TRIM72: variants seen among roughly 807,000 people sequenced by gnomAD.
TRIM72 encodes the protein tripartite motif-containing protein 72.
A neutral mutation model predicts 31.6 loss-of-function variants in TRIM72; 33 were observed. The observed-to-expected ratio is 1.04, with a 90% CI of 0.79 to 1.40. TRIM72 has a LOEUF of 1.40. Ranked by LOEUF, TRIM72 falls within the 40% of genes most tolerant of loss-of-function variation. TRIM72 has a pLI of 0.00. For missense variants in TRIM72, 666 were observed against 682.7 expected (o/e 0.98, Z 0.27); for synonymous variants, 301 against 314.4 (o/e 0.96, Z 0.45).
rs1349441134 is a variant in TRIM72 at position 31,224,783 on chromosome 16, G to C, written c.*28G>C. 7.0e-7 allele frequency: 1 copy of C among 1,434,648 alleles called. No homozygotes were observed. Among genetic ancestry groups the C allele is most frequent in the Admixed American group, 2.8e-5 (1 of 36,026 alleles). 88.9% of individuals were successfully genotyped at this position (1,434,648 alleles called of 1,614,324 possible). On this transcript the variant is annotated 3_prime_UTR_variant, in exon 7 of 7. Coordinates refer to ENST00000322122, the MANE Select transcript of TRIM72 (RefSeq NM_001008274.4). The stretch of plus-strand genomic sequence containing the variant: ...CGCCGGACGGGTAGTGGAGGGGCGC[G>C]GGGGCCTGGGTTGAAGCTTAGGTCT...
intron 5 of TRIM72, among the ~76,000 whole-genome samples, chr16:31,222,071 G>A (rs1024314287): frequency 6.6e-6 from 1 of 152,140 alleles, no homozygotes; most frequent in Non-Finnish European, 1.5e-5. Flanking sequence ...GAGAGGCTTG[G>A]ACCTTATCCC....
Position 31,229,908 on chromosome 16 carries a change from T to C in TRIM72, c.*5153T>C, listed in dbSNP as rs921385465. The stretch of plus-strand genomic sequence containing the variant: ...TTCGAGACCAGTCTGGTCAACATGG[T>C]GAAACCCCATCTTTACTAAAAATAC... On this transcript the variant is annotated 3_prime_UTR_variant, in exon 7 of 7. Transcript: ENST00000322122. 6.6e-6 allele frequency: 1 copy of C among 152,040 alleles called. No homozygotes were observed. The highest frequency in any genetic ancestry group is 1.5e-5 in the Non-Finnish European group (1 of 68,046). The allele number at this position is 152,040 out of a possible 1,614,324, so 9.4% of individuals were successfully genotyped here. A position where few individuals can be genotyped will look rare whatever the true frequency, so the allele number is the denominator to read the frequency against.
chr16:31,215,108 G>A lies in TRIM72; in HGVS notation c.370G>A (p.Glu124Lys). ...HRGHRLLPAA[E>K]AHARLKTQLP... ...CGGTCATCGCCTCCTGCCTGCCGCC[G>A]AGGCCCACGCACGCCTCAAGGTGCG... is the stretch of plus-strand genomic sequence containing the variant. The change falls in exon 2 of 7, where the codon GAG (glutamate) becomes AAG (lysine). Residue 124 changes from glutamate to lysine, a missense_variant. Coordinates refer to ENST00000322122, the MANE Select transcript of TRIM72 (RefSeq NM_001008274.4). This position sits in a 1 kb window ranked among gnomAD's most constrained non-coding sequence, Gnocchi z 6.3. The A allele has an allele frequency of 6.9e-7, 1 of 1,446,422 alleles. No homozygotes were observed. Among genetic ancestry groups the A allele is most frequent in the Non-Finnish European group, 9.0e-7 (1 of 1,108,830 alleles). 89.6% of individuals were successfully genotyped at this position (1,446,422 alleles called of 1,614,324 possible).
Position 31,224,366 on chromosome 16 carries a change from G to A in TRIM72, c.1045G>A (p.Val349Met), listed in dbSNP as rs1372224005. The A allele has an allele frequency of 6.6e-7, 1 of 1,516,894 alleles. No homozygotes were observed. Among genetic ancestry groups the A allele is most frequent in the Admixed American group, 2.3e-5 (1 of 43,786 alleles). 94.0% of individuals were successfully genotyped at this position (1,516,894 alleles called of 1,614,324 possible). ...QLSEGEHYWE[V>M]DVGDKPRWAL... ...CTCCGAGGGCGAGCACTACTGGGAGGTGGATGTTGGCGACAAGCCGCGCTG... is the reference window on the plus strand; with the variant it reads ...CTCCGAGGGCGAGCACTACTGGGAGATGGATGTTGGCGACAAGCCGCGCTG... The change falls in exon 7 of 7, where the codon GTG becomes ATG. Residue 349 changes from valine (V) to methionine (M), a missense_variant. Coordinates refer to ENST00000322122, the MANE Select transcript of TRIM72 (RefSeq NM_001008274.4).
chr16:31,223,923 A>C (rs2079544164), intron 6 of TRIM72, among the ~76,000 whole-genome samples: 1 of 152,110 alleles, frequency 6.6e-6, no homozygotes, highest in Admixed American at 6.5e-5. Flanking sequence ...CAAAAAACAA[A>C]AACAAAAAAC....
In TRIM72 at chr16:31,224,692, G is replaced by C. The variant is rs756443702; in HGVS notation, c.1371G>C (p.Trp457Cys). ...TGTACCCCTTCTTCGACGTGTGCTG[G>C]CACGACAAGGGCAAGAATGCCCAGC... ...RPVYPFFDVC[W>C]HDKGKNAQPL... The change falls in exon 7 of 7, where the codon TGG becomes TGC. Residue 457 changes from tryptophan (W) to cysteine (C), a missense_variant. Physicochemically the swap from Trp to Cys is radical, Grantham distance 215 (BLOSUM62 -2). Transcript: ENST00000322122. The C allele has an allele frequency of 6.5e-7, 1 of 1,545,658 alleles. No homozygotes were observed. Among genetic ancestry groups the C allele is most frequent in the Admixed American group, 1.9e-5 (1 of 52,260 alleles).
intron 2 of TRIM72, among the ~76,000 whole-genome samples, chr16:31,218,449 C>T (rs934984520): frequency 2.0e-5 from 3 of 151,998 alleles, no homozygotes; most frequent in Non-Finnish European, 4.4e-5. Flanking sequence ...GGGAGGCTGA[C>T]GTGGGTGGAT....
At chr16:31,222,798 ATG>A in intron 5 of TRIM72, 27 bp from the exon 6 acceptor site, 1 of 359,472 alleles carries the variant, frequency 2.8e-6, no homozygotes, top group Non-Finnish European at 5.0e-6. Context: ...CCCCTCACAC[ATG>A]CCTCCCCTTC....
rs2144199928 is a variant in TRIM72, at chr16:31,224,565, T to G, written c.1244T>G (p.Leu415Arg). The change falls in exon 7 of 7, where the codon CTT (leucine) becomes CGT (arginine). Residue 415 changes from leucine to arginine, a missense_variant. Coordinates refer to ENST00000322122, the MANE Select transcript of TRIM72 (RefSeq NM_001008274.4). ...SPERRPTRIGLYLSFGDGVLS... is the reference protein window; with the variant it reads ...SPERRPTRIGRYLSFGDGVLS... ...GAGAGGCGGCCCACGCGCATTGGCCTTTACCTGAGCTTCGGCGACGGCGTC... is the reference window on the plus strand; with the variant it reads ...GAGAGGCGGCCCACGCGCATTGGCCGTTACCTGAGCTTCGGCGACGGCGTC... 1 of 1,548,114 alleles carries G rather than the reference T, an allele frequency of 6.5e-7. No homozygotes were observed. Among genetic ancestry groups the G allele is most frequent in the Non-Finnish European group, 8.7e-7 (1 of 1,152,106 alleles).
Position 31,215,482 on chromosome 16 carries a change from C to T in TRIM72, c.390+354C>T, listed in dbSNP as rs1459378450. On this transcript the variant is annotated intron_variant, in intron 2 of 6. Coordinates refer to ENST00000322122, the MANE Select transcript of TRIM72 (RefSeq NM_001008274.4). The surrounding 1 kb of genome is among the most constrained non-coding windows in gnomAD (Gnocchi z 6.3). ...GCAGGGACTGACCAGCCCCTGCGGCCCACGCTCGCATTCCTGCACCCGGTG... is the reference window on the plus strand; with the variant it reads ...GCAGGGACTGACCAGCCCCTGCGGCTCACGCTCGCATTCCTGCACCCGGTG... Among the ~76,000 whole-genome samples, 1 of 152,202 alleles carries T rather than the reference C, an allele frequency of 6.6e-6. No individual in the cohort carries two copies. The highest frequency in any genetic ancestry group is 2.4e-5 in the African/African-American group (1 of 41,458).
chr16:31,219,668 G>A lies in TRIM72; in HGVS notation c.717+149G>A. 1 of 708,244 alleles carries A rather than the reference G, an allele frequency of 1.4e-6. No homozygotes were observed. Among genetic ancestry groups the A allele is most frequent in the Non-Finnish European group, 2.4e-6 (1 of 409,888 alleles). The allele number at this position is 708,244 out of a possible 1,614,324, so 43.9% of individuals were successfully genotyped here. A position where few individuals can be genotyped will look rare whatever the true frequency, so the allele number is the denominator to read the frequency against. On this transcript the variant is annotated intron_variant, in intron 4 of 6. Coordinates refer to ENST00000322122, the MANE Select transcript of TRIM72 (RefSeq NM_001008274.4). This position sits in a 1 kb window ranked among gnomAD's most constrained non-coding sequence, Gnocchi z 4.2. ...CAGGCCTCAGGACTGCTATATGGTT[G>A]TTTAGGTTGAGCACTGCATAAGGAC...
chr16:31,220,407 C>T (rs2079528124), intron 4 of TRIM72, among the ~76,000 whole-genome samples: 1 of 133,724 alleles, frequency 7.5e-6, no homozygotes, highest in African/African-American at 2.7e-5. Flanking sequence ...TTGTAATCCA[C>T]ATAAAAGTGA....
chr16:31,218,536 C>T (rs1192027164), intron 2 of TRIM72, among the ~76,000 whole-genome samples: 2 of 151,990 alleles, frequency 1.3e-5, no homozygotes, highest in Non-Finnish European at 2.9e-5. Flanking sequence ...CCAAAATTAG[C>T]CAGGCGTGGT....
rs1173497941 is a variant in TRIM72 at position 31,224,722 on chromosome 16, G to A, written c.1401G>A (p.Leu467=). The stretch of plus-strand genomic sequence containing the variant: ...ACAAGGGCAAGAATGCCCAGCCGCT[G>A]CTGCTCGTGGGTCCCGAAGGCGCCG... ...WHDKGKNAQP[L]LLVGPEGAEA Residue 467 remains leucine (L), a synonymous_variant, in exon 7 of 7, where the codon CTG becomes CTA. Coordinates refer to ENST00000322122, the MANE Select transcript of TRIM72 (RefSeq NM_001008274.4). The A allele has an allele frequency of 2.0e-6, 3 of 1,525,966 alleles. No homozygotes were observed. The highest frequency in any genetic ancestry group is 2.6e-6 in the Non-Finnish European group (3 of 1,141,682). The allele number at this position is 1,525,966 out of a possible 1,614,324, so 94.5% of individuals were successfully genotyped here.
rs939072859 is a variant in TRIM72 at position 31,219,320 on chromosome 16, G to C, written c.518G>C (p.Gly173Ala). Residue 173 changes from glycine (G) to alanine (A), a missense_variant, in exon 4 of 7, where the codon GGG (glycine) becomes GCG (alanine). Coordinates refer to ENST00000322122, the MANE Select transcript of TRIM72 (RefSeq NM_001008274.4). This position sits in a 1 kb window ranked among gnomAD's most constrained non-coding sequence, Gnocchi z 4.2. The stretch of plus-strand genomic sequence containing the variant: ...GTGCGTCAGTTCCGGGGGGCCGTGG[G>C]GGAGCAGCTGGGCAAGATGCGGGTG... ...ETVRQFRGAVGEQLGKMRVFL... is the reference protein window; with the variant it reads ...ETVRQFRGAVAEQLGKMRVFL... 2.5e-6 allele frequency: 4 copies of C among 1,614,062 alleles called. No homozygotes were observed. The highest frequency in any genetic ancestry group is 1.7e-5 in the Admixed American group (1 of 60,012).
chr16:31,220,456 GTTTTTTTTTTTTTTTTTTTTT>G (rs71151452), intron 4 of TRIM72, among the ~76,000 whole-genome samples: 1 of 29,560 alleles, frequency 3.4e-5, no homozygotes, highest in South Asian at 1.1e-3. Flanking sequence ...TCTCTTTTGC[GTTTTTTTTTTTTTTTTTTTTT>G]TTTTTTTTTG....
Position 31,228,980 on chromosome 16 carries a change from G to C in TRIM72, c.*4225G>C. The C allele has an allele frequency of 6.6e-6, 1 of 152,370 alleles. No homozygotes were observed. Among genetic ancestry groups the C allele is most frequent in the Non-Finnish European group, 1.5e-5 (1 of 68,226 alleles). The allele number at this position is 152,370 out of a possible 1,614,324, so 9.4% of individuals were successfully genotyped here. On this transcript the variant is annotated 3_prime_UTR_variant, in exon 7 of 7. Transcript: ENST00000322122. Reference sequence around the variant, plus strand: ...TTCCTGTCCTCTCTTGACCTTCTAGGCCTCCAGGAAGAATCAGTTACTCTC... The same window carrying C: ...TTCCTGTCCTCTCTTGACCTTCTAGCCCTCCAGGAAGAATCAGTTACTCTC...
In TRIM72 at chr16:31,226,337, T is replaced by TA. The variant is rs1324407230; in HGVS notation, c.*1585dup. ...CTTAAGGGCTGGGTACTCATGCCTG[T>TA]AAACCCAACACTTTGGGAGTTTGAG... On this transcript the variant is annotated 3_prime_UTR_variant, in exon 7 of 7. Transcript: ENST00000322122. 1 of 152,184 alleles carries TA rather than the reference T, an allele frequency of 6.6e-6. No individual in the cohort carries two copies. Among genetic ancestry groups the TA allele is most frequent in the Admixed American group, 6.6e-5 (1 of 15,266 alleles). The allele number at this position is 152,184 out of a possible 1,614,324, so 9.4% of individuals were successfully genotyped here.
At chr16:31,222,373 A>G (rs768442941) in intron 5 of TRIM72, among the ~76,000 whole-genome samples, 7 of 149,474 alleles carry the variant, frequency 4.7e-5, no homozygotes, top group Non-Finnish European at 1.0e-4. Flanking sequence ...AGCCTGGGTG[A>G]TAGAGCCAGA....
Sources: allele counts gnomAD v4.1 joint callset (sites outside exome capture counted in the v4.1 genomes callset), GRCh38; gene constraint gnomAD v4.1.1; non-coding constraint Gnocchi (gnomAD v3.1); transcripts MANE v1.5; gene names NCBI Gene and HGNC (gene_info 2026-07-23, HGNC 2026-07-21).